The following SVOPL variants were observed in gnomAD, a reference collection of about 807,000 sequenced individuals.
SVOPL encodes putative transporter SVOPL.
In SVOPL, 60 loss-of-function variants were observed where a neutral mutation model predicts 61.0. That is an observed-to-expected ratio of 0.98 (90% CI 0.80 to 1.22). The LOEUF is 1.22. Ranked by LOEUF, SVOPL falls within the 50% of genes most tolerant of loss-of-function variation. The pLI is 0.00. For synonymous variants in SVOPL, 279 were observed against 250.0 expected, an observed-to-expected ratio of 1.12 and a Z score of -1.09; for missense variants, 662 against 643.9, an observed-to-expected ratio of 1.03 and a Z score of -0.30.
At chr7:138,642,234 G>T (rs1800840806) in intron 9 of SVOPL, among the ~76,000 whole-genome samples, 1 of 128,128 alleles carries the variant, frequency 7.8e-6, no homozygotes, top group East Asian at 2.3e-4. Flanking sequence ...TCTAAGTATT[G>T]AACTCAACAA....
intron 9 of SVOPL, among the ~76,000 whole-genome samples, chr7:138,644,122 AC>A (rs1800971550): frequency 7.0e-6 from 1 of 142,792 alleles, no homozygotes. Context: ...AATCACTTGA[AC>A]CCGGGAGGTA....
At position 138,653,944 on chromosome 7, in the gene SVOPL, A is replaced by AG. The variant is rs1479079145; in HGVS notation, c.534+2503_534+2504insC. Among the ~76,000 whole-genome samples the AG allele has an allele frequency of 4.0e-3, 201 of 50,736 alleles. 1 individual carries two copies. Among genetic ancestry groups the AG allele is most frequent in the Non-Finnish European group, 8.7e-3 (130 of 14,968 alleles). The allele number at this position is 50,736 out of a possible 152,430, so 33.3% of individuals were successfully genotyped here. ...CAAGACTCTGTCTCAAAAAAAAAAA[A>AG]AAAAGAAAAGAAAAGAAAAGAAAAG... On this transcript the variant is annotated intron_variant, in intron 7 of 15. Transcript: ENST00000674285.
At chr7:138,660,872 T>G (rs1323920942) in intron 5 of SVOPL, 24 of 985,202 alleles carry the variant, frequency 2.4e-5, no homozygotes, top group Non-Finnish European at 2.9e-5. Flanking sequence ...TTGCAAGTCA[T>G]GAAAATGTCC....
At position 138,596,808 on chromosome 7, in the gene SVOPL, A is replaced by G; in HGVS notation, c.1354-278T>C. On this transcript the variant is annotated intron_variant, in intron 14 of 15. Transcript: ENST00000674285. ...GGCATCTCCAGAGCCAAGTTTTGAT[A>G]TATGGAAAAGATGGGGGATCTGCCC... 4 of 1,131,132 alleles carry G rather than the reference A, an allele frequency of 3.5e-6. No individual in the cohort carries two copies. In the South Asian group the frequency reaches 1.0e-4, roughly 29 times the overall value. 70.1% of individuals were successfully genotyped at this position (1,131,132 alleles called of 1,614,324 possible). A position where few individuals can be genotyped will look rare whatever the true frequency, so the allele number is the denominator to read the frequency against.
intron 1 of SVOPL, among the ~76,000 whole-genome samples, chr7:138,700,582 A>C (rs1415758849): frequency 6.6e-6 from 1 of 151,672 alleles, no homozygotes; most frequent in African/African-American, 2.4e-5. Context: ...CTTGTGATCC[A>C]CCCACCTCAG....
intron 14 of SVOPL, among the ~76,000 whole-genome samples, chr7:138,610,464 T>C (rs1798951162): frequency 6.6e-6 from 1 of 152,192 alleles, no homozygotes; most frequent in Non-Finnish European, 1.5e-5. Context: ...TTTGTTATCA[T>C]TAAATGGTGA....
intron 8 of SVOPL, among the ~76,000 whole-genome samples, chr7:138,648,144 C>T (rs555479425): frequency 2.1e-4 from 32 of 152,076 alleles, no homozygotes; most frequent in Non-Finnish European, 3.7e-4. Context: ...CCTGTGGTGG[C>T]CTGGGAGTAT....
At chr7:138,692,680 C>G (rs903630411) in intron 1 of SVOPL, among the ~76,000 whole-genome samples, 2 of 152,010 alleles carry the variant, frequency 1.3e-5, no homozygotes, top group African/African-American at 2.4e-5. Flanking sequence ...TGACATTAGA[C>G]CGCTAGAGAA....
chr7:138,603,440 T>A (rs1798613239), intron 14 of SVOPL, among the ~76,000 whole-genome samples: 1 of 152,094 alleles, frequency 6.6e-6, no homozygotes, highest in Non-Finnish European at 1.5e-5. Flanking sequence ...TCCCAGCACT[T>A]TGGAAGGCTG....
chr7:138,656,454 C>A lies in SVOPL; in HGVS notation c.528G>T (p.Leu176Phe). The A allele has an allele frequency of 6.2e-7, 1 of 1,613,974 alleles. No individual in the cohort carries two copies. Among genetic ancestry groups the A allele is most frequent in the Non-Finnish European group, 8.5e-7 (1 of 1,179,942 alleles). The stretch of plus-strand genomic sequence containing the variant: ...AACTCCTACGTTGCCTTACCTGAGA[C>A]AAGGGTAACATATAGCCTCGGTATT... ...PTKYRGYMLPLSQVFWLAGSL... is the reference protein window; with the variant it reads ...PTKYRGYMLPFSQVFWLAGSL... Residue 176 changes from leucine to phenylalanine, a missense_variant, in exon 7 of 16, where the codon TTG (leucine) becomes TTT (phenylalanine). Physicochemically the swap from Leu to Phe is conservative, Grantham distance 22. Transcript: ENST00000674285.
chr7:138,665,391 G>A (rs1263527607), intron 4 of SVOPL, among the ~76,000 whole-genome samples: 1 of 151,562 alleles, frequency 6.6e-6, no homozygotes, highest in Non-Finnish European at 1.5e-5. Context: ...TCAGGGACAG[G>A]GTCAGAGTCA....
At chr7:138,648,560 T>C (rs1801248197) in intron 8 of SVOPL, among the ~76,000 whole-genome samples, 1 of 140,114 alleles carries the variant, frequency 7.1e-6, no homozygotes, top group Admixed American at 7.1e-5. Context: ...AAAAAAAAAT[T>C]AGTCAGGCGC....
At chr7:138,639,254 C>CA (rs989545653) in intron 9 of SVOPL, among the ~76,000 whole-genome samples, 6 of 151,642 alleles carry the variant, frequency 4.0e-5, no homozygotes, top group African/African-American at 1.5e-4. Flanking sequence ...GATTCTGTCT[C>CA]AAAAAATATA....
intron 14 of SVOPL, chr7:138,597,071 A>G: frequency 8.6e-7 from 1 of 1,164,338 alleles, no homozygotes; most frequent in East Asian, 6.3e-5. Context: ...ATTTTTCCAC[A>G]GTAACTGGGT....
At chr7:138,624,567 C>G (rs891431283) in intron 13 of SVOPL, among the ~76,000 whole-genome samples, 15 of 152,002 alleles carry the variant, frequency 9.9e-5, no homozygotes, top group African/African-American at 3.6e-4. Flanking sequence ...AGATAAAAGC[C>G]TTTAAAACAA....
At chr7:138,683,786 G>A (rs957273045) in intron 1 of SVOPL, among the ~76,000 whole-genome samples, 1 of 152,004 alleles carries the variant, frequency 6.6e-6, no homozygotes, top group Non-Finnish European at 1.5e-5. Flanking sequence ...GGGCACAATG[G>A]CTCATGTCTG....
chr7:138,642,593 G>C (rs577591265), intron 9 of SVOPL, among the ~76,000 whole-genome samples: 74 of 152,044 alleles, frequency 4.9e-4, no homozygotes, highest in Middle Eastern at 3.4e-3. Context: ...TTGGGAGCCT[G>C]AGGTGGGCAG....
chr7:138,693,820 C>CA (rs942008452), intron 1 of SVOPL, among the ~76,000 whole-genome samples: 14 of 151,112 alleles, frequency 9.3e-5, no homozygotes, highest in African/African-American at 3.2e-4. Context: ...ATTACTTCAA[C>CA]AAAAAAATTT....
chr7:138,616,953 G>A (rs1293709086), intron 14 of SVOPL, among the ~76,000 whole-genome samples: 5 of 152,040 alleles, frequency 3.3e-5, no homozygotes, highest in Non-Finnish European at 7.4e-5. Flanking sequence ...TGCCTGGCTG[G>A]AACATTCAAT....
Sources: allele counts gnomAD v4.1 joint callset (sites outside exome capture counted in the v4.1 genomes callset), GRCh38; gene constraint gnomAD v4.1.1; transcripts MANE v1.5; gene names NCBI Gene and HGNC (gene_info 2026-07-23, HGNC 2026-07-21).